Variants in GRIA1 observed in about 807,000 individuals in gnomAD.
The protein encoded by GRIA1 is glutamate ionotropic receptor AMPA type subunit 1, also known as glutamate receptor 1.
Under a neutral mutation model 99.2 loss-of-function variants are expected in GRIA1, and 31 were observed. The ratio of observed to expected loss-of-function variants is 0.31; its 90% confidence interval spans 0.23 to 0.42. The LOEUF is 0.42. GRIA1 is among the 10% of genes least tolerant of loss of function. GRIA1 has a pLI of 1.00. For synonymous variants in GRIA1, 438 were observed against 432.4 expected (o/e 1.01, Z -0.16); for missense variants, 782 against 1,157.5 (o/e 0.68, Z 4.71).
chr5:153,777,051 G>C (rs1427252591), intron 13 of GRIA1, among the ~76,000 whole-genome samples: 1 of 152,176 alleles, frequency 6.6e-6, no homozygotes, highest in Non-Finnish European at 1.5e-5. Context: ...TTGCTCTAAA[G>C]AGCCCTTCCC....
chr5:153,765,480 A>G (rs1216690632), intron 12 of GRIA1, among the ~76,000 whole-genome samples: 1 of 152,224 alleles, frequency 6.6e-6, no homozygotes, highest in Non-Finnish European at 1.5e-5. Flanking sequence ...TAGAGACTAA[A>G]GCCATACAGG....
At chr5:153,498,995 C>A (rs1206162444) in intron 2 of GRIA1, among the ~76,000 whole-genome samples, 1 of 152,048 alleles carries the variant, frequency 6.6e-6, no homozygotes, top group Non-Finnish European at 1.5e-5. Context: ...CTATTACTTA[C>A]CCTGTCAAAA....
At chr5:153,566,304 CTT>C (rs55872840) in intron 2 of GRIA1, among the ~76,000 whole-genome samples, 2 of 36,558 alleles carry the variant, frequency 5.5e-5, no homozygotes, top group African/African-American at 7.6e-5. Flanking sequence ...AATTCCCTGC[CTT>C]TTTTTTTTTT....
chr5:153,567,264 T>C (rs1179143067), intron 2 of GRIA1, among the ~76,000 whole-genome samples: 2 of 152,218 alleles, frequency 1.3e-5, no homozygotes, highest in East Asian at 3.8e-4. Context: ...CTGAAACTAA[T>C]ATTCCACTCA....
intron 2 of GRIA1, among the ~76,000 whole-genome samples, chr5:153,599,222 A>T (rs925929371): frequency 1.3e-5 from 2 of 152,136 alleles, no homozygotes; most frequent in African/African-American, 4.8e-5. Flanking sequence ...TTTTTGGCTG[A>T]TTGAAGTCCA....
intron 2 of GRIA1, among the ~76,000 whole-genome samples, chr5:153,611,938 G>C (rs1215825654): frequency 6.6e-6 from 1 of 152,224 alleles, no homozygotes; most frequent in African/African-American, 2.4e-5. Flanking sequence ...CTTTGGAGAT[G>C]TAGGTTTGTA....
At chr5:153,636,494 C>T (rs976872549) in intron 2 of GRIA1, among the ~76,000 whole-genome samples, 6 of 152,174 alleles carry the variant, frequency 3.9e-5, no homozygotes, top group African/African-American at 1.4e-4. Context: ...TTGTCTTTGG[C>T]TGCCTTCATG....
chr5:153,783,825 GT>G (rs1764793607), intron 13 of GRIA1, among the ~76,000 whole-genome samples: 1 of 152,220 alleles, frequency 6.6e-6, no homozygotes, highest in Non-Finnish European at 1.5e-5. Flanking sequence ...GGAATGGTGA[GT>G]TTGCTGTGAT....
chr5:153,522,824 A>T (rs1449436915), intron 2 of GRIA1, among the ~76,000 whole-genome samples: 1 of 152,190 alleles, frequency 6.6e-6, no homozygotes, highest in East Asian at 1.9e-4. Flanking sequence ...CAAAATTGGG[A>T]ATAGCTAAAT....
chr5:153,703,960 A>G (rs1026928384), intron 10 of GRIA1, among the ~76,000 whole-genome samples: 1 of 152,228 alleles, frequency 6.6e-6, no homozygotes, highest in Non-Finnish European at 1.5e-5. Flanking sequence ...AAAAGTAAAT[A>G]CCTTCTCCCC....
In GRIA1 at chr5:153,764,582, G is replaced by A; in HGVS notation, c.1972G>A (p.Glu658Lys). 6.2e-7 allele frequency: 1 copy of A among 1,614,142 alleles called. No homozygotes were observed. Among genetic ancestry groups the A allele is most frequent in the Non-Finnish European group, 8.5e-7 (1 of 1,179,986 alleles). ...TGCAGAGGACCTAGCGAAGCAGACA[G>A]AAATTGCCTACGGGACGCTGGAAGC... Reference protein sequence around the residue: ...ESAEDLAKQTEIAYGTLEAGS... With the variant: ...ESAEDLAKQTKIAYGTLEAGS... Residue 658 changes from glutamate to lysine, a missense_variant, in exon 12 of 16, where the codon GAA (glutamate) becomes AAA (lysine). Physicochemically the swap from Glu to Lys is moderately conservative, Grantham distance 56 (BLOSUM62 1). This residue lies in a region of GRIA1 where 119 missense variants were observed against 326.6 expected (regional missense o/e 0.36). Coordinates refer to ENST00000285900, the MANE Select transcript of GRIA1 (RefSeq NM_000827.4).
chr5:153,774,659 G>C (rs1764104583), intron 13 of GRIA1, among the ~76,000 whole-genome samples: 1 of 152,140 alleles, frequency 6.6e-6, no homozygotes, highest in East Asian at 1.9e-4. Context: ...TGTGCCTGTG[G>C]GGCATTCACT....
chr5:153,536,154 A>G (rs1228194388), intron 2 of GRIA1, among the ~76,000 whole-genome samples: 1 of 152,112 alleles, frequency 6.6e-6, no homozygotes, highest in Non-Finnish European at 1.5e-5. Flanking sequence ...TATGCCACAA[A>G]TTCTTGTCTG....
chr5:153,721,544 C>T (rs1401303283), intron 11 of GRIA1, among the ~76,000 whole-genome samples: 1 of 152,188 alleles, frequency 6.6e-6, no homozygotes, highest in African/African-American at 2.4e-5. Context: ...GGAGTAGCCG[C>T]TCCCCTGATT....
intron 2 of GRIA1, among the ~76,000 whole-genome samples, chr5:153,632,103 T>C (rs1189970711): frequency 4.6e-5 from 7 of 152,154 alleles, no homozygotes. Flanking sequence ...CAGGATGTGA[T>C]TTCCATTTTC....
At chr5:153,534,129 G>C (rs1318886741) in intron 2 of GRIA1, among the ~76,000 whole-genome samples, 2 of 152,202 alleles carry the variant, frequency 1.3e-5, no homozygotes, top group Admixed American at 6.5e-5. Flanking sequence ...TAGAAATAGT[G>C]TTTATTCTGT....
At chr5:153,587,354 C>T (rs1763581097) in intron 2 of GRIA1, among the ~76,000 whole-genome samples, 1 of 152,196 alleles carries the variant, frequency 6.6e-6, no homozygotes, top group Non-Finnish European at 1.5e-5. Context: ...TCCCCAGAAG[C>T]AGATGCTGGT....
At chr5:153,782,011 T>C (rs1056514219) in intron 13 of GRIA1, among the ~76,000 whole-genome samples, 5 of 152,144 alleles carry the variant, frequency 3.3e-5, no homozygotes, top group African/African-American at 1.2e-4. Context: ...AATAGAGTCA[T>C]GAGTACAGAC....
intron 2 of GRIA1, among the ~76,000 whole-genome samples, chr5:153,620,204 G>C (rs1766900591): frequency 6.6e-6 from 1 of 152,096 alleles, no homozygotes; most frequent in Non-Finnish European, 1.5e-5. Context: ...AATGAATATT[G>C]TACATGCCGA....
Sources: gnomAD v4.1 joint callset for allele counts (sites outside exome capture counted in the v4.1 genomes callset) on GRCh38, gnomAD v4.1.1 for gene constraint, gnomAD v4.1.1 regional missense constraint, MANE v1.5 for transcripts, NCBI Gene and HGNC (gene_info 2026-07-23, HGNC 2026-07-21) for gene names.